SOS1: variants seen among roughly 807,000 people sequenced by gnomAD.
SOS1 encodes the protein son of sevenless homolog 1.
A neutral mutation model predicts 157.6 loss-of-function variants in SOS1; 25 were observed. The ratio of observed to expected loss-of-function variants is 0.16; its 90% CI spans 0.12 to 0.22. SOS1 has a LOEUF of 0.22. Ranked by LOEUF, SOS1 falls within the 10% of genes least tolerant of loss-of-function variation. The pLI is 1.00. For synonymous variants in SOS1, 528 were observed against 534.0 expected (o/e 0.99, Z 0.16); for missense variants, 1,237 against 1,599.1 (o/e 0.77, Z 3.86).
intron 20 of SOS1, among the ~76,000 whole-genome samples, chr2:38,990,256 A>T (rs1000467127): frequency 1.3e-5 from 2 of 151,692 alleles, no homozygotes; most frequent in Non-Finnish European, 2.9e-5. Context: ...AAGGAGGGTG[A>T]TCTCACATTC....
At chr2:39,108,739 A>T (rs151237227) in intron 1 of SOS1, among the ~76,000 whole-genome samples, 227 of 152,232 alleles carry the variant, frequency 1.5e-3, no homozygotes, top group African/African-American at 5.2e-3. Flanking sequence ...AAAAATTTTT[A>T]AAAATTAGCC....
chr2:39,059,413 A>T (rs941580440), intron 2 of SOS1, among the ~76,000 whole-genome samples: 1 of 152,206 alleles, frequency 6.6e-6, no homozygotes, highest in African/African-American at 2.4e-5. Context: ...ATTTCCACTG[A>T]GAGTGAAAGA....
chr2:39,055,284 T>C (rs1362783892), intron 4 of SOS1, among the ~76,000 whole-genome samples: 2 of 152,226 alleles, frequency 1.3e-5, no homozygotes, highest in African/African-American at 4.8e-5. Context: ...CTACTGTTAC[T>C]ACTCTTGCTA....
At position 38,989,908 on chromosome 2, in the gene SOS1, ATAAATT is replaced by A. The variant is rs555147302; in HGVS notation, c.3347-600_3347-595del. Among the ~76,000 whole-genome samples the A allele has an allele frequency of 2.5e-3, 374 of 152,190 alleles. 3 individuals carry two copies. The highest frequency in any genetic ancestry group is 8.3e-3 in the African/African-American group (345 of 41,556). The stretch of plus-strand genomic sequence containing the variant: ...GACTCATTTTACATAGGAAATTCTG[ATAAATT>A]TAAATTTAGAAAGTCTAATTTCAAC... On this transcript the variant is annotated intron_variant, in intron 20 of 22. Transcript: ENST00000402219.
chr2:39,073,534 T>G (rs1469658211), intron 1 of SOS1, among the ~76,000 whole-genome samples: 1 of 152,216 alleles, frequency 6.6e-6, no homozygotes, highest in Non-Finnish European at 1.5e-5. Flanking sequence ...TATATTCAAT[T>G]AAAGATGAAA....
intron 1 of SOS1, among the ~76,000 whole-genome samples, chr2:39,112,376 C>T (rs1043632479): frequency 6.6e-6 from 1 of 152,110 alleles, no homozygotes; most frequent in Non-Finnish European, 1.5e-5. Context: ...TGGCTCACTG[C>T]AGCATCAGCC....
upstream of SOS1, among the ~76,000 whole-genome samples, chr2:39,121,666 T>C (rs1040990967): frequency 3.9e-5 from 6 of 152,262 alleles, no homozygotes; most frequent in Non-Finnish European, 4.4e-5. Flanking sequence ...ACTGCACTTA[T>C]GCCCCTCTCA....
chr2:39,051,628 ATATT>A (rs1015450202), intron 5 of SOS1, among the ~76,000 whole-genome samples: 4 of 152,176 alleles, frequency 2.6e-5, no homozygotes, highest in African/African-American at 9.6e-5. Flanking sequence ...ATTTCAAAAA[ATATT>A]TAATTCATTA....
intron 1 of SOS1, among the ~76,000 whole-genome samples, chr2:39,075,303 C>A (rs1304851196): frequency 6.6e-6 from 1 of 152,016 alleles, no homozygotes; most frequent in Non-Finnish European, 1.5e-5. Flanking sequence ...GAACCACCAA[C>A]TTAGGACAGG....
At position 39,105,848 on chromosome 2, in the gene SOS1, C is replaced by T. The variant is rs147703807; in HGVS notation, c.87+14488G>A. On this transcript the variant is annotated intron_variant, in intron 1 of 22. Transcript: ENST00000402219. ...TCTGGGTGCAGAGGTTGCAGTGAGC[C>T]GAGATCGCACCATTGCACTTCAGCC... 1.4e-3 allele frequency among the ~76,000 whole-genome samples: 210 copies of T among 151,986 alleles called. 1 individual carries two copies. Among genetic ancestry groups the T allele is most frequent in the African/African-American group, 4.6e-3 (192 of 41,450 alleles).
upstream of SOS1, among the ~76,000 whole-genome samples, chr2:39,121,649 C>G (rs779574080): frequency 6.6e-6 from 1 of 152,222 alleles, no homozygotes. Context: ...TTTACAGCTC[C>G]TAGAGCACTG....
upstream of SOS1, among the ~76,000 whole-genome samples, chr2:39,122,748 A>G (rs1484878247): frequency 6.6e-6 from 1 of 151,726 alleles, no homozygotes; most frequent in Non-Finnish European, 1.5e-5. Flanking sequence ...GTTTCACTGT[A>G]TTGGCCAGGC....
At chr2:39,034,755 AAGTC>A (rs1330332291) in intron 8 of SOS1, 1 of 454,646 alleles carries the variant, frequency 2.2e-6, no homozygotes, top group African/African-American at 2.0e-5. Flanking sequence ...TGAGCTATGA[AAGTC>A]AGGTAAACTA....
chr2:39,122,022 A>G (rs1202860318), upstream of SOS1, among the ~76,000 whole-genome samples: 5 of 152,214 alleles, frequency 3.3e-5, no homozygotes, highest in African/African-American at 1.2e-4. Flanking sequence ...GTGTCCTGCT[A>G]TTCCTGAGAA....
At chr2:39,118,598 G>C (rs1170787396) in intron 1 of SOS1, among the ~76,000 whole-genome samples, 1 of 152,190 alleles carries the variant, frequency 6.6e-6, no homozygotes, top group Non-Finnish European at 1.5e-5. Context: ...AGTGGGGGCT[G>C]TGGTAAGGTG....
At chr2:39,058,298 G>C (rs1671285191) in intron 3 of SOS1, among the ~76,000 whole-genome samples, 1 of 151,818 alleles carries the variant, frequency 6.6e-6, no homozygotes, top group East Asian at 1.9e-4. Context: ...TTTTCACAGA[G>C]GTCTCTACAC....
At chr2:39,038,243 G>C (rs1191588121) in intron 6 of SOS1, among the ~76,000 whole-genome samples, 1 of 152,148 alleles carries the variant, frequency 6.6e-6, no homozygotes, top group Non-Finnish European at 1.5e-5. Context: ...ACATTAACAG[G>C]AGTTTGGAAG....
chr2:38,988,337 T>C (rs747830226), intron 21 of SOS1, among the ~76,000 whole-genome samples: 4 of 152,108 alleles, frequency 2.6e-5, no homozygotes, highest in African/African-American at 4.8e-5. Context: ...AGCTACTAAT[T>C]AGAACCTCTC....
chr2:39,042,595 G>C (rs1390524422), intron 6 of SOS1, among the ~76,000 whole-genome samples: 2 of 151,640 alleles, frequency 1.3e-5, no homozygotes, highest in Non-Finnish European at 2.9e-5. Flanking sequence ...AGTAGAGATG[G>C]GGTTTCATCA....
Sources: gnomAD v4.1 joint callset for allele counts (sites outside exome capture counted in the v4.1 genomes callset) on GRCh38, gnomAD v4.1.1 for gene constraint, MANE v1.5 for transcripts, NCBI Gene and HGNC (gene_info 2026-07-23, HGNC 2026-07-21) for gene names.